SHANK2: variants seen among roughly 807,000 people sequenced by gnomAD.
The protein encoded by SHANK2 is SH3 and multiple ankyrin repeat domains protein 2.
Under a neutral mutation model 133.7 loss-of-function variants are expected in SHANK2, and 43 were observed. The ratio of observed to expected loss-of-function variants is 0.32; its 90% CI spans 0.25 to 0.41. The LOEUF is 0.41. SHANK2 is among the 10% of genes least tolerant of loss of function. SHANK2 has a pLI of 1.00. For missense variants in SHANK2, 1,994 were observed against 2,235.8 expected (o/e 0.89, Z 2.18); for synonymous variants, 1,017 against 952.8 (o/e 1.07, Z -1.24).
chr11:70,941,547 G>C (rs1555084405), intron 10 of SHANK2, among the ~76,000 whole-genome samples: 3 of 152,218 alleles, frequency 2.0e-5, no homozygotes, highest in African/African-American at 7.2e-5. Context: ...CAAGGGGATG[G>C]CATTTGGATT....
chr11:70,758,075 C>T (rs1946911249), intron 14 of SHANK2, among the ~76,000 whole-genome samples: 1 of 152,136 alleles, frequency 6.6e-6, no homozygotes, highest in African/African-American at 2.4e-5. Context: ...TAGCTGACAC[C>T]CAACCAATCA....
chr11:71,137,660 G>A (rs1555105035), intron 3 of SHANK2, among the ~76,000 whole-genome samples: 1 of 152,188 alleles, frequency 6.6e-6, no homozygotes. Flanking sequence ...AGGCCCAGGT[G>A]TTGAACAGAA....
intron 17 of SHANK2, among the ~76,000 whole-genome samples, chr11:70,586,806 A>G (rs2060260074): frequency 6.6e-6 from 1 of 152,212 alleles, no homozygotes; most frequent in African/African-American, 2.4e-5. Flanking sequence ...GGAACGGGGA[A>G]GGACACCAGT....
At chr11:71,106,855 T>C (rs1375757439) in intron 6 of SHANK2, among the ~76,000 whole-genome samples, 1 of 151,908 alleles carries the variant, frequency 6.6e-6, no homozygotes, top group East Asian at 2.0e-4. Flanking sequence ...CCAGGCGTGG[T>C]GGCACACACC....
At chr11:70,879,524 C>T (rs1336520563) in intron 11 of SHANK2, among the ~76,000 whole-genome samples, 2 of 152,186 alleles carry the variant, frequency 1.3e-5, no homozygotes, top group African/African-American at 4.8e-5. Context: ...TGGTCCAAGA[C>T]CACACGGAAA....
intron 11 of SHANK2, among the ~76,000 whole-genome samples, chr11:70,866,765 A>C (rs1343125509): frequency 6.6e-6 from 1 of 151,718 alleles, no homozygotes; most frequent in African/African-American, 2.4e-5. Context: ...GAGTTTTCCT[A>C]TGTCTACCCG....
intron 3 of SHANK2, among the ~76,000 whole-genome samples, chr11:71,120,335 C>T (rs1555101225): frequency 1.3e-5 from 2 of 152,182 alleles, no homozygotes; most frequent in African/African-American, 4.8e-5. Context: ...CACTTTGTCA[C>T]TGTCAAAGTG....
intron 2 of SHANK2, among the ~76,000 whole-genome samples, chr11:71,176,975 G>A (rs1953459097): frequency 6.6e-6 from 1 of 152,142 alleles, no homozygotes; most frequent in Admixed American, 6.5e-5. Context: ...ACTAGGGAAG[G>A]GAGACATGTT....
chr11:70,557,474 A>G (rs7945850), intron 17 of SHANK2, among the ~76,000 whole-genome samples: 85,961 of 151,904 alleles, frequency 0.57, 24,623 homozygotes, highest in South Asian at 0.7. Context: ...GTGGGGGAGG[A>G]GCCCAGATGG....
At chr11:70,696,405 T>C (rs1427736439) in intron 15 of SHANK2, among the ~76,000 whole-genome samples, 1 of 152,212 alleles carries the variant, frequency 6.6e-6, no homozygotes, top group Non-Finnish European at 1.5e-5. Context: ...GTGCAGACTC[T>C]GCTTGCTATC....
chr11:70,921,111 G>T (rs920312689), intron 10 of SHANK2, among the ~76,000 whole-genome samples: 2 of 152,164 alleles, frequency 1.3e-5, no homozygotes, highest in African/African-American at 4.8e-5. Context: ...CTCAGGAAAT[G>T]GTCGGAATCA....
chr11:71,182,920 A>G (rs1468992453), intron 2 of SHANK2, among the ~76,000 whole-genome samples: 5 of 152,058 alleles, frequency 3.3e-5, no homozygotes, highest in Non-Finnish European at 7.4e-5. Flanking sequence ...TCTGCATCAC[A>G]GTGTGGGAAT....
intron 17 of SHANK2, chr11:70,633,406 C>T (rs961016551): frequency 6.6e-6 from 1 of 152,004 alleles, no homozygotes; most frequent in African/African-American, 2.4e-5. Context: ...CTTCATCCCT[C>T]AACAACATGA....
chr11:71,139,354 G>A (rs1237812308), intron 3 of SHANK2, among the ~76,000 whole-genome samples: 1 of 140,942 alleles, frequency 7.1e-6, no homozygotes, highest in Non-Finnish European at 1.5e-5. Context: ...TGGATTAAAG[G>A]GGTAGGGGGA....
chr11:71,160,661 A>G (rs559904083), intron 2 of SHANK2, among the ~76,000 whole-genome samples: 1 of 152,342 alleles, frequency 6.6e-6, no homozygotes, highest in Admixed American at 6.5e-5. Flanking sequence ...CATCCTATCT[A>G]TTCTGTTATA....
chr11:70,707,372 CAAAAAAAAAAAA>C (rs1172194976), intron 14 of SHANK2, among the ~76,000 whole-genome samples: 7 of 57,878 alleles, frequency 1.2e-4, no homozygotes, highest in Non-Finnish European at 1.8e-4. Flanking sequence ...AACTCCATCT[CAAAAAAAAAAAA>C]AAAAAAAAAA....
intron 17 of SHANK2, among the ~76,000 whole-genome samples, chr11:70,591,067 C>G (rs1392372551): frequency 1.3e-5 from 2 of 152,178 alleles, no homozygotes; most frequent in Non-Finnish European, 2.9e-5. Flanking sequence ...AGAGACCAGG[C>G]ATGGTGGCTC....
At chr11:71,107,887 G>A (rs1555098226) in intron 6 of SHANK2, among the ~76,000 whole-genome samples, 1 of 152,192 alleles carries the variant, frequency 6.6e-6, no homozygotes, top group East Asian at 1.9e-4. Flanking sequence ...CAGGAAGAGA[G>A]GTGCAGAGCA....
chr11:70,485,328 G>A lies in SHANK2; in HGVS notation c.4965C>T (p.Ala1655=). 6.2e-7 allele frequency: 1 copy of A among 1,613,848 alleles called. No individual in the cohort carries two copies. The highest frequency in any genetic ancestry group is 8.5e-7 in the Non-Finnish European group (1 of 1,180,004). Residue 1655 remains alanine, a synonymous_variant, in exon 25 of 26, where the codon GCC becomes GCT. Transcript: ENST00000601538. This position sits in a 1 kb window ranked among gnomAD's most constrained non-coding sequence, Gnocchi z 5.8. ...GLDSPMGAKS[A]SLAPRSPEIM... ...CGCGGACTTACCTTGGAGCGAGGCT[G>A]GCGGACTTGGCTCCCATTGGTGAAT...
Sources: gnomAD v4.1 joint callset for allele counts (sites outside exome capture counted in the v4.1 genomes callset) on GRCh38, gnomAD v4.1.1 for gene constraint, Gnocchi (gnomAD v3.1) non-coding constraint, MANE v1.5 for transcripts, NCBI Gene and HGNC (gene_info 2026-07-23, HGNC 2026-07-21) for gene names.